Variants in CPEB3 observed in about 807,000 individuals in gnomAD.
The protein encoded by CPEB3 is cytoplasmic polyadenylation element-binding protein 3.
CPEB3 carries 20 observed loss-of-function variants against 67.2 expected under a neutral mutation model. The observed-to-expected ratio is 0.30, with a 90% confidence interval of 0.21 to 0.43. The LOEUF is 0.43. Among genes scored for constraint, CPEB3 ranks in the 20% least tolerant of loss-of-function variants. CPEB3 has a pLI of 1.00. For missense variants in CPEB3, 746 were observed against 968.6 expected (o/e 0.77, Z 3.05); for synonymous variants, 376 against 393.1 (o/e 0.96, Z 0.51).
chr10:92,118,150 A>G (rs1457037161), intron 6 of CPEB3, among the ~76,000 whole-genome samples: 1 of 152,104 alleles, frequency 6.6e-6, no homozygotes, highest in Admixed American at 6.6e-5. Context: ...TTTTGTTTCA[A>G]GATGGAGTTT....
intron 4 of CPEB3, among the ~76,000 whole-genome samples, chr10:92,163,811 T>C (rs1847610258): frequency 6.6e-6 from 1 of 152,206 alleles, no homozygotes; most frequent in Non-Finnish European, 1.5e-5. Context: ...ATGAACAATA[T>C]GAAAGTAGCA....
chr10:92,075,785 C>A (rs1842910976), intron 9 of CPEB3, among the ~76,000 whole-genome samples: 1 of 152,130 alleles, frequency 6.6e-6, no homozygotes, highest in African/African-American at 2.4e-5. Context: ...TTGTATTTCT[C>A]CCATGAAACA....
At chr10:92,091,313 A>T (rs1843608518) in intron 8 of CPEB3, among the ~76,000 whole-genome samples, 1 of 152,186 alleles carries the variant, frequency 6.6e-6, no homozygotes, top group South Asian at 2.1e-4. Flanking sequence ...AATAGTGGTT[A>T]TTAGGAGGCT....
Position 92,051,974 on chromosome 10 carries a change from G to A in CPEB3, c.*238C>T, listed in dbSNP as rs951995867. 2 of 430,114 alleles carry A rather than the reference G, an allele frequency of 4.6e-6. No homozygotes were observed. Among genetic ancestry groups the A allele is most frequent in the Non-Finnish European group, 8.3e-6 (2 of 241,412 alleles). 26.6% of individuals were successfully genotyped at this position (430,114 alleles called of 1,614,324 possible). A position where few individuals can be genotyped will look rare whatever the true frequency, so the allele number is the denominator to read the frequency against. On this transcript the variant is annotated 3_prime_UTR_variant, in exon 10 of 10. Coordinates refer to ENST00000265997, the MANE Select transcript of CPEB3 (RefSeq NM_014912.5). ...AAATTAAGGTACCAAGCAGACAAAG[G>A]TGTGAATCAAAGTGCAAATCAGTAC...
In CPEB3 at chr10:92,053,345, A is replaced by G. The variant is rs545327843; in HGVS notation, c.1870-906T>C. On this transcript the variant is annotated intron_variant, in intron 9 of 9. Transcript: ENST00000265997. ...CCTAAAACTTTAGAAAAGAAACATCATTAACTTTATCATTTTTTTTTTTAA... is the reference window on the plus strand; with the variant it reads ...CCTAAAACTTTAGAAAAGAAACATCGTTAACTTTATCATTTTTTTTTTTAA... 1.0e-4 allele frequency among the ~76,000 whole-genome samples: 15 copies of G among 148,566 alleles called. No individual in the cohort carries two copies. In the East Asian group the frequency reaches 2.9e-3, roughly 29 times the overall value.
intron 5 of CPEB3, among the ~76,000 whole-genome samples, chr10:92,144,289 T>C (rs1027429268): frequency 6.6e-6 from 1 of 152,182 alleles, no homozygotes; most frequent in Admixed American, 6.5e-5. Context: ...TATTTACTTA[T>C]GAGACAGGGT....
chr10:92,170,723 G>C (rs565112523), intron 4 of CPEB3, among the ~76,000 whole-genome samples: 1 of 152,254 alleles, frequency 6.6e-6, no homozygotes, highest in South Asian at 2.1e-4. Flanking sequence ...GAGAGAGAAA[G>C]AAAGAAGAAA....
chr10:92,145,213 G>A, intron 4 of CPEB3, 128 bp from the exon 5 acceptor site: 1 of 985,418 alleles, frequency 1.0e-6, no homozygotes, highest in Non-Finnish European at 1.5e-6. Flanking sequence ...CAAAAAAAAA[G>A]GTGTCCTGAG....
intron 6 of CPEB3, among the ~76,000 whole-genome samples, chr10:92,123,004 T>G (rs1304571142): frequency 6.6e-6 from 1 of 152,232 alleles, no homozygotes; most frequent in East Asian, 1.9e-4. Context: ...GTTTTGTGTT[T>G]TCTACGACAC....
intron 1 of CPEB3, among the ~76,000 whole-genome samples, chr10:92,261,921 G>A (rs1852819377): frequency 6.6e-6 from 1 of 152,176 alleles, no homozygotes; most frequent in South Asian, 2.1e-4. Flanking sequence ...TCATTAGTAA[G>A]CAAGCCTTTT....
At chr10:92,201,648 G>T (rs1023241517) in intron 2 of CPEB3, among the ~76,000 whole-genome samples, 4 of 152,208 alleles carry the variant, frequency 2.6e-5, no homozygotes, top group Non-Finnish European at 5.9e-5. Flanking sequence ...AAATCATTGG[G>T]TTGTTAGCCA....
At chr10:92,161,599 G>A (rs1052663093) in intron 4 of CPEB3, among the ~76,000 whole-genome samples, 1 of 151,752 alleles carries the variant, frequency 6.6e-6, no homozygotes, top group Non-Finnish European at 1.5e-5. Flanking sequence ...ATCATTCATT[G>A]TGGAATTTAT....
intron 6 of CPEB3, among the ~76,000 whole-genome samples, chr10:92,128,504 T>C (rs1295985195): frequency 6.6e-6 from 1 of 152,074 alleles, no homozygotes; most frequent in Non-Finnish European, 1.5e-5. Flanking sequence ...AATTGGTAAC[T>C]AATTAAACTG....
intron 4 of CPEB3, among the ~76,000 whole-genome samples, chr10:92,150,845 T>C (rs904242644): frequency 2.6e-5 from 4 of 152,160 alleles, no homozygotes; most frequent in African/African-American, 9.7e-5. Context: ...GAGGAGGATA[T>C]AAACCTGCTT....
At chr10:92,191,516 G>C (rs758681536) in intron 3 of CPEB3, among the ~76,000 whole-genome samples, 8 of 152,112 alleles carry the variant, frequency 5.3e-5, no homozygotes, top group Non-Finnish European at 1.0e-4. Context: ...AAAATCATGA[G>C]TGTGACAAGA....
At chr10:92,101,482 C>G (rs1401172038) in intron 7 of CPEB3, among the ~76,000 whole-genome samples, 3 of 152,188 alleles carry the variant, frequency 2.0e-5, no homozygotes, top group Non-Finnish European at 4.4e-5. Context: ...AAACCTAGGT[C>G]TGCTGACATA....
chr10:92,114,345 A>T (rs1844897762), intron 6 of CPEB3, among the ~76,000 whole-genome samples: 1 of 152,220 alleles, frequency 6.6e-6, no homozygotes, highest in African/African-American at 2.4e-5. Context: ...TTCCCTTTTG[A>T]TCTTGAAAAA....
At chr10:92,265,868 T>A (rs1291109352) in intron 1 of CPEB3, among the ~76,000 whole-genome samples, 2 of 151,702 alleles carry the variant, frequency 1.3e-5, no homozygotes, top group African/African-American at 4.8e-5. Flanking sequence ...TGAAACTTAA[T>A]CCCCAGTGTG....
intron 7 of CPEB3, 69 bp downstream of exon 7, chr10:92,111,007 A>G: frequency 9.3e-7 from 1 of 1,080,394 alleles, no homozygotes; most frequent in South Asian, 1.2e-5. Context: ...CATTATCAGA[A>G]AGAGGAGGTC....
Sources: gnomAD v4.1 joint callset for allele counts (sites outside exome capture counted in the v4.1 genomes callset) on GRCh38, gnomAD v4.1.1 for gene constraint, MANE v1.5 for transcripts, NCBI Gene and HGNC (gene_info 2026-07-23, HGNC 2026-07-21) for gene names.